Variants in MRTFA observed in about 807,000 individuals in gnomAD.
The protein encoded by MRTFA is myocardin-related transcription factor A.
Under a neutral mutation model 83.5 loss-of-function variants are expected in MRTFA, and 20 were observed. The ratio of observed to expected loss-of-function variants is 0.24; its 90% CI spans 0.17 to 0.35. The LOEUF (loss-of-function observed/expected upper bound fraction) is 0.35. Ranked by LOEUF, MRTFA falls within the 10% of genes least tolerant of loss-of-function variation. The pLI, the probability that MRTFA is intolerant of heterozygous loss-of-function variation, is 1.00. For synonymous variants in MRTFA, 659 were observed against 541.2 expected (o/e 1.22, Z -3.02); for missense variants, 1,200 against 1,224.7 (o/e 0.98, Z 0.30).
intron 3 of MRTFA, among the ~76,000 whole-genome samples, chr22:40,503,033 AG>A (rs917476874): frequency 6.6e-6 from 1 of 152,126 alleles, no homozygotes; most frequent in Admixed American, 6.5e-5. Flanking sequence ...CAGGGAAACC[AG>A]CAGCTAGTAA....
intron 1 of MRTFA, among the ~76,000 whole-genome samples, chr22:40,599,141 T>C (rs2056228399): frequency 6.8e-6 from 1 of 147,980 alleles, no homozygotes; most frequent in African/African-American, 2.5e-5. Flanking sequence ...CTACTAAAAA[T>C]AGAAAAATTA....
At chr22:40,577,780 A>G (rs2055889402) in intron 2 of MRTFA, among the ~76,000 whole-genome samples, 2 of 149,340 alleles carry the variant, frequency 1.3e-5, no homozygotes, top group Admixed American at 1.3e-4. Context: ...CTAATTTTGT[A>G]TTTTTAGTAG....
At chr22:40,447,481 T>A (rs2053403071) in intron 4 of MRTFA, among the ~76,000 whole-genome samples, 1 of 151,940 alleles carries the variant, frequency 6.6e-6, no homozygotes, top group East Asian at 1.9e-4. Context: ...CTCAGTGGGA[T>A]CCTGCCTGCA....
intron 3 of MRTFA, among the ~76,000 whole-genome samples, chr22:40,541,282 T>C (rs1602407330): frequency 6.6e-6 from 1 of 152,294 alleles, no homozygotes; most frequent in East Asian, 1.9e-4. Flanking sequence ...AAATGTATTT[T>C]TATGAACTCT....
intron 4 of MRTFA, among the ~76,000 whole-genome samples, chr22:40,442,740 T>C (rs1340254179): frequency 6.6e-6 from 1 of 152,032 alleles, no homozygotes; most frequent in African/African-American, 2.4e-5. Context: ...AAATTTAACC[T>C]GGGGGAACAG....
intron 14 of MRTFA, among the ~76,000 whole-genome samples, chr22:40,414,593 G>GT (rs1211798005): frequency 6.6e-6 from 1 of 152,164 alleles, no homozygotes; most frequent in Non-Finnish European, 1.5e-5. Context: ...GGACCCTGAG[G>GT]ACATTATGCT....
rs558219346 is a variant in MRTFA at position 40,517,313 on chromosome 22, AC to A, written c.241+34792del. On this transcript the variant is annotated intron_variant, in intron 3 of 14. Coordinates refer to ENST00000355630, the MANE Select transcript of MRTFA (RefSeq NM_020831.6). ...TAGTGTTCTGGCAGGGAAAGATAAA[AC>A]AGGAAGGGAAGGGGGACTAAAAAGT... is the stretch of plus-strand genomic sequence containing the variant. Among the ~76,000 whole-genome samples, 285 of 152,292 alleles carry A rather than the reference AC, an allele frequency of 1.9e-3. 1 individual carries two copies. The highest frequency in any genetic ancestry group is 6.5e-3 in the African/African-American group (272 of 41,556).
intron 3 of MRTFA, among the ~76,000 whole-genome samples, chr22:40,477,532 C>T (rs1387520901): frequency 6.6e-6 from 1 of 151,850 alleles, no homozygotes; most frequent in African/African-American, 2.4e-5. Context: ...ATCCATATAC[C>T]CTTTGAAACT....
Position 40,420,885 on chromosome 22 carries a change from C to G in MRTFA, c.1143G>C (p.Gln381His), listed in dbSNP as rs200555648. ...GCAGGATGGCCTGGTAGTTGTGGTG[C>G]TGCTGCTGCTGCTGGTTGAGGATCT... Residue 381 changes from glutamine to histidine, a missense_variant, in exon 10 of 15, where the codon CAG becomes CAC. Gln to His is a conservative substitution (Grantham distance 24). Transcript: ENST00000355630. The G allele has an allele frequency of 1.8e-4, 287 of 1,603,098 alleles. 1 individual carries two copies. Among genetic ancestry groups the G allele is most frequent in the Non-Finnish European group, 1.7e-5 (20 of 1,173,488 alleles).
At position 40,609,787 on chromosome 22, in the gene MRTFA, C is replaced by T. The variant is rs968673581; in HGVS notation, c.-83-15052G>A. ...CGGAGGTTGTGGTGAGTCGAGACTGCGCCACTGCACTCCAGCCTCAGAGTC... is the reference window on the plus strand; with the variant it reads ...CGGAGGTTGTGGTGAGTCGAGACTGTGCCACTGCACTCCAGCCTCAGAGTC... On this transcript the variant is annotated intron_variant, in intron 1 of 14. Transcript: ENST00000355630. Among the ~76,000 whole-genome samples the T allele has an allele frequency of 2.0e-5, 3 of 151,912 alleles. No individual in the cohort carries two copies. In the South Asian group the frequency reaches 6.2e-4, roughly 31 times the overall value.
intron 2 of MRTFA, among the ~76,000 whole-genome samples, chr22:40,568,991 G>C (rs2055745484): frequency 6.6e-6 from 1 of 152,152 alleles, no homozygotes; most frequent in Non-Finnish European, 1.5e-5. Flanking sequence ...TATTAAAAGA[G>C]AAGAACCACC....
At chr22:40,588,210 G>C (rs1428116725) in intron 2 of MRTFA, among the ~76,000 whole-genome samples, 2 of 151,954 alleles carry the variant, frequency 1.3e-5, no homozygotes, top group Non-Finnish European at 2.9e-5. Context: ...TGTATTTTTA[G>C]TATAGATGAG....
chr22:40,500,940 G>A (rs1247906539), intron 3 of MRTFA, among the ~76,000 whole-genome samples: 1 of 146,782 alleles, frequency 6.8e-6, no homozygotes, highest in Admixed American at 6.7e-5. Context: ...TGGCCGGGCA[G>A]AGGGGCTCCT....
rs546626402 is a variant in MRTFA at position 40,534,465 on chromosome 22, G to C, written c.241+17641C>G. ...TTATTTGATTTCATTTACTTTTTTT[G>C]TATGTTTGAGACAGGGTCTCACTCC... On this transcript the variant is annotated intron_variant, in intron 3 of 14. Transcript: ENST00000355630. 3.3e-5 allele frequency among the ~76,000 whole-genome samples: 5 copies of C among 152,172 alleles called. No homozygotes were observed. In the East Asian group the frequency reaches 9.6e-4, roughly 29 times the overall value.
intron 3 of MRTFA, among the ~76,000 whole-genome samples, chr22:40,488,504 G>A (rs1310528228): frequency 6.6e-6 from 1 of 151,584 alleles, no homozygotes; most frequent in African/African-American, 2.4e-5. Flanking sequence ...GCGACACGGT[G>A]AGACTCCATC....
intron 3 of MRTFA, among the ~76,000 whole-genome samples, chr22:40,541,037 A>G (rs184463168): frequency 1.3e-5 from 2 of 152,306 alleles, no homozygotes; most frequent in African/African-American, 4.8e-5. Flanking sequence ...AAAACTACAT[A>G]AAGTATTGAA....
intron 3 of MRTFA, among the ~76,000 whole-genome samples, chr22:40,480,829 A>C (rs542242600): frequency 0.018 from 2,601 of 147,210 alleles, 31 homozygotes; most frequent in Non-Finnish European, 0.028. Context: ...GCTCACTGCA[A>C]CCTCCGCCTC....
Position 40,447,542 on chromosome 22 carries a change from AC to A in MRTFA, c.308-11989del, listed in dbSNP as rs547559352. ...GAAAACAAGAAGAGTGGGTGGAAAC[AC>A]AGGGAGACAAAGCCACACAGGACCC... On this transcript the variant is annotated intron_variant, in intron 4 of 14. Coordinates refer to ENST00000355630, the MANE Select transcript of MRTFA (RefSeq NM_020831.6). Among the ~76,000 whole-genome samples, 98 of 152,282 alleles carry A rather than the reference AC, an allele frequency of 6.4e-4. 1 individual carries two copies. The East Asian group carries it at 0.017, about 27-fold the overall frequency.
rs561469624 is a variant in MRTFA at position 40,560,837 on chromosome 22, T to C, written c.-21-8470A>G. On this transcript the variant is annotated intron_variant, in intron 2 of 14. Transcript: ENST00000355630. ...GCTTTAGGGCTGCATGCCTTCTGCCTGTACAGAACAACATACGTACCTAGA... is the reference window on the plus strand; with the variant it reads ...GCTTTAGGGCTGCATGCCTTCTGCCCGTACAGAACAACATACGTACCTAGA... 3.3e-5 allele frequency among the ~76,000 whole-genome samples: 5 copies of C among 152,248 alleles called. No homozygotes were observed. The South Asian group carries it at 1.0e-3, about 32-fold the overall frequency.
Sources: allele counts gnomAD v4.1 joint callset (sites outside exome capture counted in the v4.1 genomes callset), GRCh38; gene constraint gnomAD v4.1.1; transcripts MANE v1.5; gene names NCBI Gene and HGNC (gene_info 2026-07-23, HGNC 2026-07-21).